NIPAL1: variants seen among roughly 807,000 people sequenced by gnomAD.
NIPAL1 encodes NIPA like domain containing 1.
NIPAL1 carries 35 observed loss-of-function variants against 37.7 expected under a neutral mutation model. The ratio of observed to expected loss-of-function variants is 0.93; its 90% CI spans 0.71 to 1.23. The LOEUF (loss-of-function observed/expected upper bound fraction) is 1.23, where lower values mean the gene tolerates loss of function less well. Ranked by LOEUF, NIPAL1 falls within the 50% of genes most tolerant of loss-of-function variation. NIPAL1 has a pLI of 0.00. For synonymous variants in NIPAL1, 162 were observed against 183.0 expected (o/e 0.89, Z 0.93); for missense variants, 412 against 473.9 (o/e 0.87, Z 1.21).
Position 48,036,273 on chromosome 4 carries a change from A to G in NIPAL1, c.*101A>G. On this transcript the variant is annotated 3_prime_UTR_variant, in exon 6 of 6. Coordinates refer to ENST00000295461, the MANE Select transcript of NIPAL1 (RefSeq NM_207330.3). ...CTGCTAGGAAAGTTAGCATTTTTGC[A>G]GTTCTAACTAATTTAGATGTGAGGC... The G allele has an allele frequency of 8.5e-7, 1 of 1,171,680 alleles. No homozygotes were observed. Among genetic ancestry groups the G allele is most frequent in the Non-Finnish European group, 1.2e-6 (1 of 836,488 alleles). The allele number at this position is 1,171,680 out of a possible 1,614,324, so 72.6% of individuals were successfully genotyped here.
chr4:48,019,719 AT>A (rs1715529808), intron 1 of NIPAL1, among the ~76,000 whole-genome samples: 1 of 152,214 alleles, frequency 6.6e-6, no homozygotes, highest in South Asian at 2.1e-4. Context: ...TATAGTGGGA[AT>A]TTTGGATTTT....
At chr4:48,030,314 A>G in intron 3 of NIPAL1, 138 bp downstream of exon 3, 1 of 570,408 alleles carries the variant, frequency 1.8e-6, no homozygotes, top group Admixed American at 2.6e-5. Flanking sequence ...TGTGTTAGTC[A>G]ATATATTGTC....
At chr4:48,030,256 C>A in intron 3 of NIPAL1, 80 bp downstream of exon 3, 1 of 897,444 alleles carries the variant, frequency 1.1e-6, no homozygotes, top group Non-Finnish European at 1.8e-6. Flanking sequence ...ATTGGTTAAT[C>A]TTCCTGTCAA....
chr4:48,029,696 T>TA (rs1333037933), intron 2 of NIPAL1, among the ~76,000 whole-genome samples: 2 of 152,312 alleles, frequency 1.3e-5, no homozygotes, highest in East Asian at 3.9e-4. Context: ...GCAAAGTTTT[T>TA]AAAAAAATTG....
Position 48,034,976 on chromosome 4 carries a change from T to C in NIPAL1, c.557T>C (p.Ile186Thr). 1 of 1,613,488 alleles carries C rather than the reference T, an allele frequency of 6.2e-7. No homozygotes were observed. The highest frequency in any genetic ancestry group is 8.5e-7 in the Non-Finnish European group (1 of 1,179,402). ...LSILGSTVMV[I>T]HAPQEEEVTS... Reference sequence around the variant, plus strand: ...ATATTGGGGTCAACTGTGATGGTTATCCATGCCCCACAAGAAGAGGAAGTC... The same window carrying C: ...ATATTGGGGTCAACTGTGATGGTTACCCATGCCCCACAAGAAGAGGAAGTC... The change falls in exon 5 of 6, where the codon ATC (isoleucine) becomes ACC (threonine). Residue 186 changes from isoleucine (I) to threonine (T), a missense_variant. Physicochemically the swap from Ile to Thr is moderately conservative, Grantham distance 89 (BLOSUM62 -1). Transcript: ENST00000295461.
At chr4:48,020,312 CAG>C (rs1436045818) in intron 1 of NIPAL1, among the ~76,000 whole-genome samples, 1 of 152,158 alleles carries the variant, frequency 6.6e-6, no homozygotes, top group East Asian at 1.9e-4. Context: ...AAAACCATGA[CAG>C]GGGACAGGGA....
chr4:48,037,407 G>GTTA lies in NIPAL1; in HGVS notation c.*1238_*1240dup, dbSNP rs139131393. 1,280 of 242,076 alleles carry GTTA rather than the reference G, an allele frequency of 5.3e-3. 14 individuals carry two copies. Among genetic ancestry groups the GTTA allele is most frequent in the African/African-American group, 0.027 (1,159 of 43,440 alleles). The allele number at this position is 242,076 out of a possible 1,614,324, so 15.0% of individuals were successfully genotyped here. ...CTTTTCTTTTACTATTATCCTAAAG[G>GTTA]TTATTTTTCTTGTTGATATAGAGAT... is the stretch of plus-strand genomic sequence containing the variant. On this transcript the variant is annotated 3_prime_UTR_variant, in exon 6 of 6. Coordinates refer to ENST00000295461, the MANE Select transcript of NIPAL1 (RefSeq NM_207330.3).
intron 1 of NIPAL1, among the ~76,000 whole-genome samples, chr4:48,022,965 G>A (rs2109366121): frequency 6.6e-6 from 1 of 152,286 alleles, no homozygotes; most frequent in African/African-American, 2.4e-5. Flanking sequence ...TACAACCTGG[G>A]TGACAGAGTG....
rs10805163 is a variant in NIPAL1, at chr4:48,036,362, C to T, written c.*190C>T. On this transcript the variant is annotated 3_prime_UTR_variant, in exon 6 of 6. Transcript: ENST00000295461. ...AATCAAATTGATTATCCTCCAGAAT[C>T]TCTACAAACTTTGAAATACTCTCTA... The T allele has an allele frequency of 0.85, 458,648 of 542,182 alleles. 196,036 individuals carry two copies. The highest frequency in any genetic ancestry group is 0.89 in the Non-Finnish European group (280,960 of 314,312). 33.6% of individuals were successfully genotyped at this position (542,182 alleles called of 1,614,324 possible).
chr4:48,035,198 G>C (rs1715899356), intron 5 of NIPAL1, among the ~76,000 whole-genome samples, 157 bp downstream of exon 5: 1 of 152,202 alleles, frequency 6.6e-6, no homozygotes, highest in African/African-American at 2.4e-5. Context: ...CTCCTGAAAA[G>C]ATGGCAGAAC....
intron 3 of NIPAL1, among the ~76,000 whole-genome samples, chr4:48,031,074 G>GT (rs112334645): frequency 2.8e-4 from 42 of 151,392 alleles, no homozygotes; most frequent in African/African-American, 4.8e-4. Context: ...TTTTTGTTTT[G>GT]TTTTTTTTGA....
intron 1 of NIPAL1, among the ~76,000 whole-genome samples, chr4:48,019,301 T>A (rs1715519669): frequency 2.0e-5 from 3 of 152,174 alleles, no homozygotes; most frequent in Admixed American, 6.5e-5. Context: ...GCATGAGCCA[T>A]CCCCCACCCC....
At chr4:48,035,295 A>G (rs1345516755) in intron 5 of NIPAL1, among the ~76,000 whole-genome samples, 3 of 152,200 alleles carry the variant, frequency 2.0e-5, no homozygotes, top group Admixed American at 1.3e-4. Context: ...TCAAAATCAA[A>G]TCTTTGCCAC....
intron 1 of NIPAL1, among the ~76,000 whole-genome samples, chr4:48,024,055 A>G (rs1158833705): frequency 6.8e-6 from 1 of 146,354 alleles, no homozygotes; most frequent in East Asian, 2.0e-4. Context: ...AGCTCACTGC[A>G]GCCGCCTCCT....
rs1439670755 is a variant in NIPAL1 at position 48,027,339 on chromosome 4, T to C, written c.313+2005T>C. ...ACCAATAAACATACGTAAGTAAATA[T>C]TGTTTCACTAGTACCCAAAGAGATA... On this transcript the variant is annotated intron_variant, in intron 2 of 5. Transcript: ENST00000295461. This position sits in a 1 kb window ranked among gnomAD's most constrained non-coding sequence, Gnocchi z 4.1. Among the ~76,000 whole-genome samples, 2 of 152,204 alleles carry C rather than the reference T, an allele frequency of 1.3e-5. No individual in the cohort carries two copies. Among genetic ancestry groups the C allele is most frequent in the African/African-American group, 2.4e-5 (1 of 41,456 alleles).
Position 48,034,995 on chromosome 4 carries a change from G to A in NIPAL1, c.576G>A (p.Glu192=). The change falls in exon 5 of 6, where the codon GAG becomes GAA. Residue 192 remains glutamate (E), a synonymous_variant. Coordinates refer to ENST00000295461, the MANE Select transcript of NIPAL1 (RefSeq NM_207330.3). ...TVMVIHAPQE[E]EVTSLHEMEM... ...TGGTTATCCATGCCCCACAAGAAGA[G>A]GAAGTCACATCTTTGCATGAAATGG... 1 of 1,613,970 alleles carries A rather than the reference G, an allele frequency of 6.2e-7. No homozygotes were observed. Among genetic ancestry groups the A allele is most frequent in the Non-Finnish European group, 8.5e-7 (1 of 1,179,866 alleles).
chr4:48,018,906 G>A (rs755539798), intron 1 of NIPAL1, among the ~76,000 whole-genome samples: 2 of 152,208 alleles, frequency 1.3e-5, no homozygotes, highest in African/African-American at 2.4e-5. Flanking sequence ...AGCCCCTTAC[G>A]AAAGTGATAT....
intron 1 of NIPAL1, among the ~76,000 whole-genome samples, chr4:48,023,979 T>C (rs922283924): frequency 6.9e-5 from 10 of 145,042 alleles, no homozygotes; most frequent in African/African-American, 1.1e-4. Context: ...TTTCTTCTTT[T>C]TTTTTTTTTT....
At position 48,025,155 on chromosome 4, in the gene NIPAL1, T is replaced by G; in HGVS notation, c.134T>G (p.Leu45Arg). 1 of 1,614,222 alleles carries G rather than the reference T, an allele frequency of 6.2e-7. No homozygotes were observed. The highest frequency in any genetic ancestry group is 8.5e-7 in the Non-Finnish European group (1 of 1,180,012). ...TCACAGCTGCTGGCTTCTCCTGTGC[T>G]CTACACGGACCTGAATTACAGCATA... ...NVSQLLASPV[L>R]YTDLNYSINN... The change falls in exon 2 of 6, where the codon CTC (leucine) becomes CGC (arginine). Residue 45 changes from leucine to arginine, a missense_variant. Transcript: ENST00000295461.
Sources: allele counts gnomAD v4.1 joint callset (sites outside exome capture counted in the v4.1 genomes callset), GRCh38; gene constraint gnomAD v4.1.1; non-coding constraint Gnocchi (gnomAD v3.1); transcripts MANE v1.5; gene names NCBI Gene and HGNC (gene_info 2026-07-23, HGNC 2026-07-21).